The following DNAH11 variants were observed in gnomAD, a reference collection of about 807,000 sequenced individuals.
The protein encoded by DNAH11 is axonemal beta dynein heavy chain 11.
DNAH11 carries 442 observed loss-of-function variants against 526.0 expected under a neutral mutation model. That is an observed-to-expected ratio of 0.84 (90% CI 0.78 to 0.91). The LOEUF (loss-of-function observed/expected upper bound fraction) is 0.91, where lower values mean the gene tolerates loss of function less well. DNAH11 is among the 40% of genes least tolerant of loss of function. DNAH11 has a pLI of 0.00. For missense variants in DNAH11, 6,989 were observed against 5,448.7 expected (o/e 1.28, Z -8.90); for synonymous variants, 2,461 against 1,935.9 (o/e 1.27, Z -7.12).
intron 66 of DNAH11, among the ~76,000 whole-genome samples, chr7:21,846,392 T>C: frequency 6.6e-6 from 1 of 152,180 alleles, no homozygotes. Flanking sequence ...GTTAAGAAAG[T>C]TCCCCTCTAT....
intron 20 of DNAH11, among the ~76,000 whole-genome samples, chr7:21,612,551 T>C: frequency 2.9e-5 from 2 of 69,570 alleles, no homozygotes; most frequent in African/African-American, 6.9e-5. Context: ...TGAGGCTCCG[T>C]CTCAAAAAAA....
At chr7:21,887,420 A>G (rs905656877) in intron 76 of DNAH11, among the ~76,000 whole-genome samples, 2 of 152,256 alleles carry the variant, frequency 1.3e-5, no homozygotes, top group Admixed American at 6.5e-5. Flanking sequence ...AAGTTATCAT[A>G]TAATACAAAC....
intron 2 of DNAH11, among the ~76,000 whole-genome samples, chr7:21,546,440 T>G (rs1341908052): frequency 2.0e-5 from 3 of 152,224 alleles, no homozygotes; most frequent in Non-Finnish European, 4.4e-5. Flanking sequence ...TTTGGTTCAA[T>G]ATGAGAATCT....
chr7:21,744,704 T>A (rs1333554768), intron 50 of DNAH11, 105 bp downstream of exon 50: 28 of 1,471,586 alleles, frequency 1.9e-5, no homozygotes, highest in Middle Eastern at 4.0e-4. Context: ...GCTTACCTTT[T>A]TGCAATGGCT....
intron 40 of DNAH11, 85 bp downstream of exon 40, chr7:21,707,920 C>A: frequency 7.2e-7 from 1 of 1,382,026 alleles, no homozygotes; most frequent in South Asian, 1.6e-5. Context: ...TAGTCATAGT[C>A]GCAGACTTAC....
intron 65 of DNAH11, among the ~76,000 whole-genome samples, chr7:21,836,812 C>G (rs891522378): frequency 1.3e-5 from 2 of 152,026 alleles, no homozygotes; most frequent in African/African-American, 4.8e-5. Flanking sequence ...AGACAACCTG[C>G]AGAATGGGAG....
chr7:21,780,452 C>T (rs17357951), intron 57 of DNAH11, among the ~76,000 whole-genome samples: 47,563 of 152,026 alleles, frequency 0.31, 9,045 homozygotes, highest in Non-Finnish European at 0.43. Flanking sequence ...GATACAGTCA[C>T]CGTTAGCTAA....
At position 21,878,348 on chromosome 7, in the gene DNAH11, A is replaced by C. The variant is rs188138087; in HGVS notation, c.12196-2354A>C. Among the ~76,000 whole-genome samples the C allele has an allele frequency of 4.3e-4, 66 of 152,336 alleles. No individual in the cohort carries two copies. The Middle Eastern group carries it at 0.01, about 24-fold the overall frequency. On this transcript the variant is annotated intron_variant, in intron 74 of 81. Transcript: ENST00000409508. The stretch of plus-strand genomic sequence containing the variant: ...GATTGAAGTAATGTACTTAGTTATT[A>C]TAGTACCTTGGGTTTTATGTGGACT...
In DNAH11 at chr7:21,816,587, A is replaced by G. The variant is rs1488913691; in HGVS notation, c.10453A>G (p.Ile3485Val). ...CAGAATGTCCACCGAAAATGCCGCT[A>G]TCCTAACACACTGTGAGCGCTGGCC... is the stretch of plus-strand genomic sequence containing the variant. ...SDRMSTENAA[I>V]LTHCERWPLV... is the part of the protein sequence containing the mutation. Residue 3485 changes from isoleucine (I) to valine (V), a missense_variant, in exon 64 of 82, where the codon ATC becomes GTC. Ile to Val is a conservative substitution (Grantham distance 29). Coordinates refer to ENST00000409508, the MANE Select transcript of DNAH11 (RefSeq NM_001277115.2). 1 of 1,613,666 alleles carries G rather than the reference A, an allele frequency of 6.2e-7. No individual in the cohort carries two copies. The highest frequency in any genetic ancestry group is 1.7e-5 in the Admixed American group (1 of 59,928).
At chr7:21,714,704 C>T (rs1486831295) in intron 42 of DNAH11, among the ~76,000 whole-genome samples, 1 of 152,138 alleles carries the variant, frequency 6.6e-6, no homozygotes, top group African/African-American at 2.4e-5. Flanking sequence ...TAGTACAATG[C>T]GCAGCCAGAG....
intron 3 of DNAH11, 86 bp from the exon 4 acceptor site, chr7:21,559,517 A>C: frequency 9.1e-7 from 1 of 1,094,836 alleles, no homozygotes; most frequent in Non-Finnish European, 1.3e-6. Flanking sequence ...AAACTAGTTT[A>C]TGGATGCCTA....
intron 54 of DNAH11, among the ~76,000 whole-genome samples, chr7:21,751,378 C>T (rs1786406527): frequency 2.0e-5 from 3 of 152,126 alleles, no homozygotes; most frequent in Admixed American, 1.3e-4. Flanking sequence ...CAGTGTTCTT[C>T]CTCATTGGCT....
chr7:21,691,562 T>C (rs527493028), intron 35 of DNAH11, among the ~76,000 whole-genome samples: 7 of 152,324 alleles, frequency 4.6e-5, no homozygotes, highest in South Asian at 2.1e-4. Flanking sequence ...TTGGAAAATA[T>C]AGAAAAGAAT....
chr7:21,744,108 A>G (rs376262949), intron 49 of DNAH11, among the ~76,000 whole-genome samples: 70 of 152,268 alleles, frequency 4.6e-4, no homozygotes, highest in African/African-American at 1.5e-3. Context: ...TGTGACTTTC[A>G]TGTTAGCTGT....
At chr7:21,655,449 CT>C (rs1781972708) in intron 28 of DNAH11, among the ~76,000 whole-genome samples, 1 of 152,088 alleles carries the variant, frequency 6.6e-6, no homozygotes, top group Non-Finnish European at 1.5e-5. Context: ...ATTTTAATAG[CT>C]TTTTCATAGT....
chr7:21,828,158 AGGCT>A (rs557600952), intron 65 of DNAH11, among the ~76,000 whole-genome samples: 39 of 152,168 alleles, frequency 2.6e-4, no homozygotes, highest in Admixed American at 3.9e-4. Flanking sequence ...TATGTTGGTC[AGGCT>A]GGTCTTGAAC....
chr7:21,817,817 T>C (rs1789868376), intron 64 of DNAH11, among the ~76,000 whole-genome samples: 2 of 145,074 alleles, frequency 1.4e-5, no homozygotes, highest in Admixed American at 6.9e-5. Context: ...AGTGACTAAA[T>C]GTAAAGGTTT....
Position 21,691,177 on chromosome 7 carries a change from TC to T in DNAH11, c.6041+297del, listed in dbSNP as rs764161915. Among the ~76,000 whole-genome samples, 66 of 72,244 alleles carry T rather than the reference TC, an allele frequency of 9.1e-4. No individual in the cohort carries two copies. In the East Asian group the frequency reaches 0.042, roughly 46 times the overall value. The allele number at this position is 72,244 out of a possible 152,430, so 47.4% of individuals were successfully genotyped here. ...ACATAATCTTTCATAATTTTTTTTT[TC>T]TTTTTTTTTTTTTAACAGTCAAAGT... On this transcript the variant is annotated intron_variant, in intron 35 of 81. Transcript: ENST00000409508.
chr7:21,900,853 AG>A, intron 81 of DNAH11, 153 bp from the exon 82 acceptor site: 10 of 1,291,172 alleles, frequency 7.7e-6, no homozygotes, highest in Non-Finnish European at 1.0e-5. Context: ...TACCTTTCAA[AG>A]CTCAGTCCGG....
Sources: gnomAD v4.1 joint callset for allele counts (sites outside exome capture counted in the v4.1 genomes callset) on GRCh38, gnomAD v4.1.1 for gene constraint, MANE v1.5 for transcripts, NCBI Gene and HGNC (gene_info 2026-07-23, HGNC 2026-07-21) for gene names.